The following SCRN1 variants were observed in gnomAD, a reference collection of about 807,000 sequenced individuals.
The protein encoded by SCRN1 is secernin-1.
SCRN1 carries 19 observed loss-of-function variants against 43.3 expected under a neutral mutation model. The observed-to-expected ratio is 0.44, with a 90% CI of 0.31 to 0.64. SCRN1 has a LOEUF of 0.64. SCRN1 is among the 30% of genes least tolerant of loss of function. The pLI, the probability that SCRN1 is intolerant of heterozygous loss-of-function variation, is 0.09. For synonymous variants in SCRN1, 183 were observed against 188.9 expected, an observed-to-expected ratio of 0.97 and a Z score of 0.26; for missense variants, 447 against 524.1, an observed-to-expected ratio of 0.85 and a Z score of 1.44.
At chr7:29,973,258 T>G (rs1165570807) in intron 1 of SCRN1, among the ~76,000 whole-genome samples, 1 of 152,234 alleles carries the variant, frequency 6.6e-6, no homozygotes, top group Non-Finnish European at 1.5e-5. Flanking sequence ...ATCCTGACTC[T>G]GAAAACACCA....
At chr7:29,945,340 T>C (rs571012123) in intron 3 of SCRN1, among the ~76,000 whole-genome samples, 2 of 152,310 alleles carry the variant, frequency 1.3e-5, no homozygotes, top group Admixed American at 1.3e-4. Flanking sequence ...GTCCGGTCTT[T>C]CCTGTGCTAT....
intron 6 of SCRN1, among the ~76,000 whole-genome samples, chr7:29,929,469 C>T (rs117969816): frequency 0.025 from 3,852 of 152,340 alleles, 84 homozygotes; most frequent in Non-Finnish European, 0.043. Context: ...GGAAACCTGC[C>T]ATTTCACTCC....
At chr7:29,964,610 A>C (rs1459427098) in intron 2 of SCRN1, among the ~76,000 whole-genome samples, 1 of 152,100 alleles carries the variant, frequency 6.6e-6, no homozygotes, top group Non-Finnish European at 1.5e-5. Context: ...TACCCACAGG[A>C]TATCCAACAC....
chr7:29,957,391 G>A (rs1788169276), intron 2 of SCRN1, among the ~76,000 whole-genome samples: 1 of 152,180 alleles, frequency 6.6e-6, no homozygotes, highest in Admixed American at 6.5e-5. Context: ...CTCCTGCTTT[G>A]CCCTTCTGAT....
At chr7:29,963,311 T>C (rs894938795) in intron 2 of SCRN1, among the ~76,000 whole-genome samples, 12 of 152,106 alleles carry the variant, frequency 7.9e-5, no homozygotes, top group Admixed American at 1.3e-4. Context: ...TAAATTTCAA[T>C]TGACATGCAT....
intron 6 of SCRN1, among the ~76,000 whole-genome samples, chr7:29,931,935 C>T (rs145607676): frequency 1.3e-5 from 2 of 152,284 alleles, no homozygotes; most frequent in East Asian, 3.9e-4. Flanking sequence ...GTCAAAGTCA[C>T]ACCTGGCTCC....
At chr7:29,980,836 T>A (rs2127931340) in intron 1 of SCRN1, among the ~76,000 whole-genome samples, 1 of 152,322 alleles carries the variant, frequency 6.6e-6, no homozygotes, top group East Asian at 1.9e-4. Context: ...ATTATGTATA[T>A]GTATATACCT....
chr7:29,983,130 C>T (rs1012240001), intron 1 of SCRN1, among the ~76,000 whole-genome samples: 1 of 152,018 alleles, frequency 6.6e-6, no homozygotes, highest in African/African-American at 2.4e-5. Flanking sequence ...AGCCATCACA[C>T]CTGGCCCAAG....
chr7:29,979,120 T>G (rs1358982497), intron 1 of SCRN1, among the ~76,000 whole-genome samples: 3 of 152,282 alleles, frequency 2.0e-5, no homozygotes, highest in Admixed American at 2.0e-4. Flanking sequence ...ATCCCAGCAC[T>G]TTGGGAGGCT....
rs776407954 is a variant in SCRN1 at position 29,924,017 on chromosome 7, A to G, written c.1185T>C (p.Pro395=). 6.2e-7 allele frequency: 1 copy of G among 1,614,156 alleles called. No homozygotes were observed. The highest frequency in any genetic ancestry group is 2.2e-5 in the East Asian group (1 of 44,884). The part of the protein sequence containing the change: ...EILTSSEPLD[P]AEVGDLFYDC... ...CATAGAAAAGGTCCCCCACTTCCGC[A>G]GGGTCCAGTGGCTCGGAGCTGGTCA... Residue 395 remains proline (P), a synonymous_variant, in exon 8 of 8, where the codon CCT becomes CCC. Coordinates refer to ENST00000242059, the MANE Select transcript of SCRN1 (RefSeq NM_014766.5).
intron 1 of SCRN1, chr7:29,988,984 C>T (rs915603224): frequency 1.3e-5 from 2 of 152,370 alleles, no homozygotes; most frequent in Admixed American, 6.5e-5. Context: ...GCCGGCCTCT[C>T]GGCAGCCCCG....
At chr7:29,973,285 T>C (rs903664294) in intron 1 of SCRN1, among the ~76,000 whole-genome samples, 3 of 152,220 alleles carry the variant, frequency 2.0e-5, no homozygotes, top group African/African-American at 7.2e-5. Flanking sequence ...TGGCCCTCAT[T>C]ACTATCTGGG....
chr7:29,978,221 T>A (rs1367971448), intron 1 of SCRN1, among the ~76,000 whole-genome samples: 1 of 152,224 alleles, frequency 6.6e-6, no homozygotes, highest in Non-Finnish European at 1.5e-5. Flanking sequence ...GAGTGCTGCA[T>A]TAGATTGTGT....
chr7:29,987,944 C>T (rs1193339852), intron 1 of SCRN1, among the ~76,000 whole-genome samples: 1 of 152,202 alleles, frequency 6.6e-6, no homozygotes, highest in South Asian at 2.1e-4. Flanking sequence ...GCTCATCCTC[C>T]TCTATTCCAT....
chr7:29,928,754 T>A (rs1787059648), intron 6 of SCRN1, among the ~76,000 whole-genome samples: 1 of 152,142 alleles, frequency 6.6e-6, no homozygotes, highest in African/African-American at 2.4e-5. Flanking sequence ...AACACACACT[T>A]CCACTTCCTA....
intron 1 of SCRN1, among the ~76,000 whole-genome samples, chr7:29,978,515 G>A (rs1405032513): frequency 1.3e-5 from 2 of 152,140 alleles, no homozygotes; most frequent in Non-Finnish European, 2.9e-5. Flanking sequence ...AGCCCCATGT[G>A]TATAGGTACA....
intron 5 of SCRN1, among the ~76,000 whole-genome samples, chr7:29,937,965 G>C (rs1294781173): frequency 6.6e-6 from 1 of 152,038 alleles, no homozygotes; most frequent in Admixed American, 6.6e-5. Context: ...TCTTATAAAT[G>C]AGCCTATTGA....
chr7:29,927,059 G>T (rs1287543229), intron 6 of SCRN1, among the ~76,000 whole-genome samples: 1 of 151,786 alleles, frequency 6.6e-6, no homozygotes, highest in African/African-American at 2.4e-5. Context: ...TTTGGTTTGG[G>T]TTTGTTTTTA....
At chr7:29,933,803 A>G (rs994286419) in intron 6 of SCRN1, among the ~76,000 whole-genome samples, 1 of 152,220 alleles carries the variant, frequency 6.6e-6, no homozygotes, top group African/African-American at 2.4e-5. Flanking sequence ...TACAGTGAGA[A>G]AAGGACAGAC....
Sources: gnomAD v4.1 joint callset for allele counts (sites outside exome capture counted in the v4.1 genomes callset) on GRCh38, gnomAD v4.1.1 for gene constraint, MANE v1.5 for transcripts, NCBI Gene and HGNC (gene_info 2026-07-23, HGNC 2026-07-21) for gene names.